The following DCDC1 variants were observed in gnomAD, a reference collection of about 807,000 sequenced individuals.
The protein encoded by DCDC1 is doublecortin domain containing 1, also known as doublecortin domain-containing protein 1.
In DCDC1, 200 loss-of-function variants were observed where a neutral mutation model predicts 178.3. The observed-to-expected ratio is 1.12, with a 90% CI of 1.00 to 1.26. DCDC1 has a LOEUF of 1.26. DCDC1 is among the 50% of genes most tolerant of loss of function. The probability of loss-of-function intolerance (pLI) is 0.00; values close to 1 mark genes in which losing one functional copy is unlikely to be tolerated. For synonymous variants in DCDC1, 690 were observed against 604.8 expected (o/e 1.14, Z -2.07); for missense variants, 1,983 against 1,749.2 (o/e 1.13, Z -2.38).
intron 15 of DCDC1, among the ~76,000 whole-genome samples, chr11:31,097,857 G>C (rs544177412): frequency 6.6e-6 from 1 of 152,092 alleles, no homozygotes; most frequent in Non-Finnish European, 1.5e-5. Flanking sequence ...GTTGTTTGTC[G>C]TTTCCCAGCC....
chr11:31,246,212 A>C (rs1014279487), intron 8 of DCDC1, among the ~76,000 whole-genome samples: 1 of 152,046 alleles, frequency 6.6e-6, no homozygotes, highest in African/African-American at 2.4e-5. Context: ...TAAAAAATTA[A>C]GTCACGCCAA....
At chr11:31,100,916 ATACATTAATAAG>A (rs1221960313) in intron 15 of DCDC1, among the ~76,000 whole-genome samples, 1 of 152,186 alleles carries the variant, frequency 6.6e-6, no homozygotes, top group Non-Finnish European at 1.5e-5. Flanking sequence ...AAAATACAAA[ATACATTAATAAG>A]TACATCATTC....
intron 20 of DCDC1, among the ~76,000 whole-genome samples, chr11:30,999,386 A>G (rs1315432271): frequency 6.6e-6 from 1 of 152,184 alleles, no homozygotes; most frequent in African/African-American, 2.4e-5. Flanking sequence ...TCTCTATACT[A>G]CCTTTACAAT....
intron 21 of DCDC1, among the ~76,000 whole-genome samples, chr11:30,945,249 G>A (rs2134422117): frequency 6.6e-6 from 1 of 151,932 alleles, no homozygotes; most frequent in South Asian, 2.1e-4. Context: ...TTATAGGTGT[G>A]AGCCATCGCG....
chr11:30,898,026 A>G (rs1266186365), intron 34 of DCDC1, among the ~76,000 whole-genome samples: 1 of 152,182 alleles, frequency 6.6e-6, no homozygotes, highest in Non-Finnish European at 1.5e-5. Flanking sequence ...TTTGAGGTAG[A>G]GGGAACTAAA....
chr11:31,049,720 C>A (rs1955109806), intron 20 of DCDC1, among the ~76,000 whole-genome samples: 1 of 152,198 alleles, frequency 6.6e-6, no homozygotes. Flanking sequence ...ACCCTCCTCT[C>A]CCAAACACAC....
chr11:31,097,868 T>G (rs1484058410), intron 15 of DCDC1, among the ~76,000 whole-genome samples: 1 of 152,222 alleles, frequency 6.6e-6, no homozygotes, highest in African/African-American at 2.4e-5. Context: ...TTTCCCAGCC[T>G]CCTTTATGAC....
At chr11:31,274,335 G>T (rs1945813880) in intron 7 of DCDC1, among the ~76,000 whole-genome samples, 1 of 152,028 alleles carries the variant, frequency 6.6e-6, no homozygotes. Context: ...TCTCCCAAGT[G>T]CCTGGATATG....
At chr11:30,925,538 G>T in intron 22 of DCDC1, 130 bp from the exon 23 acceptor site, 1 of 768,066 alleles carries the variant, frequency 1.3e-6, no homozygotes, top group Non-Finnish European at 2.1e-6. Flanking sequence ...GTCATGAGCT[G>T]GACTCTGGGG....
At chr11:31,092,176 G>A (rs1957860350) in intron 16 of DCDC1, among the ~76,000 whole-genome samples, 1 of 152,214 alleles carries the variant, frequency 6.6e-6, no homozygotes, top group African/African-American at 2.4e-5. Context: ...GTAAAAAGAT[G>A]TATTTTTAAA....
intron 9 of DCDC1, among the ~76,000 whole-genome samples, chr11:31,157,034 A>G (rs910851709): frequency 3.3e-5 from 5 of 152,138 alleles, no homozygotes; most frequent in Admixed American, 1.3e-4. Flanking sequence ...AAATAAGTTT[A>G]CCCACTTAGA....
intron 7 of DCDC1, among the ~76,000 whole-genome samples, chr11:31,267,384 G>T (rs2137127571): frequency 6.6e-6 from 1 of 152,076 alleles, no homozygotes; most frequent in East Asian, 1.9e-4. Context: ...TAGAGACGGG[G>T]TTTCTCCATG....
chr11:30,934,050 G>C (rs993888549), intron 21 of DCDC1, among the ~76,000 whole-genome samples: 11 of 152,084 alleles, frequency 7.2e-5, no homozygotes, highest in Non-Finnish European at 2.9e-5. Flanking sequence ...CTCAGCTGGT[G>C]GCATCAAACT....
chr11:31,025,379 T>C (rs931448408), intron 20 of DCDC1, among the ~76,000 whole-genome samples: 1 of 151,800 alleles, frequency 6.6e-6, no homozygotes, highest in Non-Finnish European at 1.5e-5. Flanking sequence ...TATCTACATA[T>C]ATTTCAGAAG....
chr11:31,151,341 T>A (rs1359649932), intron 9 of DCDC1, among the ~76,000 whole-genome samples: 1 of 152,148 alleles, frequency 6.6e-6, no homozygotes, highest in African/African-American at 2.4e-5. Flanking sequence ...AAGCTTAGAG[T>A]CAAAAATCAG....
At chr11:31,336,394 G>A (rs1950275501) in intron 1 of DCDC1, among the ~76,000 whole-genome samples, 1 of 152,206 alleles carries the variant, frequency 6.6e-6, no homozygotes, top group Non-Finnish European at 1.5e-5. Context: ...ATGAATAGAT[G>A]AACAAGGAAG....
chr11:31,047,371 T>C (rs1954913584), intron 20 of DCDC1, among the ~76,000 whole-genome samples: 1 of 152,144 alleles, frequency 6.6e-6, no homozygotes, highest in Admixed American at 6.5e-5. Flanking sequence ...GTTTTGTAAA[T>C]GTAACTACAA....
At chr11:30,912,617 T>C (rs1489383362) in intron 27 of DCDC1, among the ~76,000 whole-genome samples, 1 of 152,088 alleles carries the variant, frequency 6.6e-6, no homozygotes, top group East Asian at 1.9e-4. Context: ...TAACAGAAAC[T>C]AGACTAAGAC....
At chr11:31,181,771 C>T (rs1018054619) in intron 9 of DCDC1, among the ~76,000 whole-genome samples, 4 of 152,188 alleles carry the variant, frequency 2.6e-5, no homozygotes, top group African/African-American at 7.2e-5. Flanking sequence ...AAAACCAGCA[C>T]AAAACGGCTG....
Sources: allele counts gnomAD v4.1 joint callset (sites outside exome capture counted in the v4.1 genomes callset), GRCh38; gene constraint gnomAD v4.1.1; transcripts MANE v1.5; gene names NCBI Gene and HGNC (gene_info 2026-07-23, HGNC 2026-07-21).